The following KIF26B variants were observed in gnomAD, a reference collection of about 807,000 sequenced individuals.
KIF26B encodes the protein kinesin family member 26B.
KIF26B carries 63 observed loss-of-function variants against 151.2 expected under a neutral mutation model. That is an observed-to-expected ratio of 0.42 (90% CI 0.34 to 0.51). KIF26B has a LOEUF of 0.51. KIF26B is among the 20% of genes least tolerant of loss of function. The probability of loss-of-function intolerance (pLI) is 0.07; values close to 1 mark genes in which losing one functional copy is unlikely to be tolerated. For missense variants in KIF26B, 2,813 were observed against 2,913.6 expected, an observed-to-expected ratio of 0.97 and a Z score of 0.79; for synonymous variants, 1,357 against 1,262.1, an observed-to-expected ratio of 1.08 and a Z score of -1.59.
intron 4 of KIF26B, among the ~76,000 whole-genome samples, chr1:245,472,935 G>C (rs1033056959): frequency 5.3e-5 from 8 of 152,264 alleles, no homozygotes; most frequent in African/African-American, 1.9e-4. Context: ...CAAGAGGTAG[G>C]TGTGCAAGAA....
intron 4 of KIF26B, among the ~76,000 whole-genome samples, chr1:245,533,241 C>A (rs1044073983): frequency 6.6e-6 from 1 of 152,146 alleles, no homozygotes; most frequent in South Asian, 2.1e-4. Context: ...CATGAAATGG[C>A]AGCCTGGATT....
rs980167927 is a variant in KIF26B, at chr1:245,560,468, G to C, written c.1350+19518G>C. Among the ~76,000 whole-genome samples, 6 of 152,066 alleles carry C rather than the reference G, an allele frequency of 3.9e-5. No homozygotes were observed. Among genetic ancestry groups the C allele is most frequent in the Non-Finnish European group, 8.8e-5 (6 of 68,018 alleles). On this transcript the variant is annotated intron_variant, in intron 5 of 14. Coordinates refer to ENST00000407071, the MANE Select transcript of KIF26B (RefSeq NM_018012.4). This position sits in a 1 kb window ranked among gnomAD's most constrained non-coding sequence, Gnocchi z 4.3. ...TAATTCTGCCATGACATTTGTGGCGGTTGTTTTAAGATTCAGAGATTACTG... is the reference window on the plus strand; with the variant it reads ...TAATTCTGCCATGACATTTGTGGCGCTTGTTTTAAGATTCAGAGATTACTG...
intron 3 of KIF26B, among the ~76,000 whole-genome samples, chr1:245,380,876 C>T (rs1157443915): frequency 6.7e-6 from 1 of 149,010 alleles, no homozygotes; most frequent in South Asian, 2.1e-4. Context: ...GAACTCAATG[C>T]GCTGTATTGT....
chr1:245,654,674 G>A (rs6666644), intron 10 of KIF26B, among the ~76,000 whole-genome samples: 67,095 of 152,030 alleles, frequency 0.44, 16,585 homozygotes, highest in East Asian at 0.76. Context: ...ATTTATCTGG[G>A]GCAGCTCCTG....
At chr1:245,441,177 C>T (rs913345718) in intron 4 of KIF26B, among the ~76,000 whole-genome samples, 1 of 152,074 alleles carries the variant, frequency 6.6e-6, no homozygotes. Context: ...TGTCTACCAC[C>T]GTAATTAAGA....
intron 2 of KIF26B, among the ~76,000 whole-genome samples, chr1:245,192,835 G>A (rs1248183568): frequency 3.9e-5 from 6 of 152,200 alleles, no homozygotes; most frequent in African/African-American, 1.4e-4. Flanking sequence ...CTGTAGTGGT[G>A]GGGATTGGGT....
chr1:245,503,458 C>G (rs1326863185), intron 4 of KIF26B, among the ~76,000 whole-genome samples: 1 of 152,162 alleles, frequency 6.6e-6, no homozygotes, highest in African/African-American at 2.4e-5. Context: ...TTGTTCCATA[C>G]AGATCTAACT....
intron 9 of KIF26B, among the ~76,000 whole-genome samples, chr1:245,637,839 TATTGTATTCC>T (rs2043851571): frequency 1.3e-5 from 2 of 152,068 alleles, no homozygotes; most frequent in South Asian, 4.1e-4. Context: ...CTGGGTTTTC[TATTGTATTCC>T]ATTGGTCTTC....
intron 2 of KIF26B, among the ~76,000 whole-genome samples, chr1:245,361,123 C>T (rs550613129): frequency 1.3e-5 from 2 of 152,284 alleles, no homozygotes; most frequent in African/African-American, 2.4e-5. Context: ...TTTCTTTTGA[C>T]GTGGAAAAGT....
intron 5 of KIF26B, among the ~76,000 whole-genome samples, chr1:245,584,314 G>A (rs761949799): frequency 2.0e-5 from 3 of 151,990 alleles, no homozygotes; most frequent in African/African-American, 2.4e-5. Flanking sequence ...GCAGAACCAT[G>A]AGCCAATTAA....
intron 2 of KIF26B, among the ~76,000 whole-genome samples, chr1:245,291,878 G>T (rs372412446): frequency 1.3e-5 from 2 of 152,122 alleles, no homozygotes; most frequent in South Asian, 4.1e-4. Context: ...GGGCCCTGGT[G>T]CAGGAAACTG....
At chr1:245,408,635 G>A (rs1026615173) in intron 3 of KIF26B, among the ~76,000 whole-genome samples, 2 of 152,112 alleles carry the variant, frequency 1.3e-5, no homozygotes, top group Admixed American at 6.5e-5. Context: ...AATTACCAGC[G>A]TGAGCCACCG....
At chr1:245,433,477 A>AAG (rs1553274013) in intron 4 of KIF26B, among the ~76,000 whole-genome samples, 105 of 147,804 alleles carry the variant, frequency 7.1e-4, no homozygotes, top group African/African-American at 2.0e-3. Context: ...AAAAAAAAAA[A>AAG]AAGAAGAAGA....
At chr1:245,485,778 G>C (rs1221908767) in intron 4 of KIF26B, among the ~76,000 whole-genome samples, 1 of 152,224 alleles carries the variant, frequency 6.6e-6, no homozygotes, top group African/African-American at 2.4e-5. Context: ...CGTTTTCTGT[G>C]ATCCCAGAGC....
chr1:245,561,929 G>T (rs573278567), intron 5 of KIF26B, among the ~76,000 whole-genome samples: 2 of 152,276 alleles, frequency 1.3e-5, no homozygotes, highest in Admixed American at 6.5e-5. Context: ...CCATCCCAAG[G>T]CTCTTTACAG....
intron 5 of KIF26B, among the ~76,000 whole-genome samples, chr1:245,589,376 C>T (rs2043261820): frequency 6.6e-6 from 1 of 152,160 alleles, no homozygotes. Context: ...TTATGATGAA[C>T]TGAATGCGGT....
At chr1:245,216,553 T>C (rs1270510881) in intron 2 of KIF26B, among the ~76,000 whole-genome samples, 1 of 152,234 alleles carries the variant, frequency 6.6e-6, no homozygotes, top group Non-Finnish European at 1.5e-5. Flanking sequence ...TTTATTAAGA[T>C]GAACTAAGTG....
At chr1:245,451,548 T>C (rs1659390641) in intron 4 of KIF26B, among the ~76,000 whole-genome samples, 1 of 151,192 alleles carries the variant, frequency 6.6e-6, no homozygotes, top group African/African-American at 2.4e-5. Context: ...GTATTCTCCT[T>C]TGGGTACAAA....
intron 4 of KIF26B, among the ~76,000 whole-genome samples, chr1:245,442,111 G>C (rs1572063153): frequency 6.6e-6 from 1 of 152,342 alleles, no homozygotes; most frequent in East Asian, 1.9e-4. Context: ...TATGAGGTCA[G>C]TATTACCATT....
Sources: allele counts gnomAD v4.1 joint callset (sites outside exome capture counted in the v4.1 genomes callset), GRCh38; gene constraint gnomAD v4.1.1; non-coding constraint Gnocchi (gnomAD v3.1); transcripts MANE v1.5; gene names NCBI Gene and HGNC (gene_info 2026-07-23, HGNC 2026-07-21).